Variants in ZBED3 observed in about 807,000 individuals in gnomAD.
ZBED3 encodes zinc finger BED-type containing 3.
For synonymous variants in ZBED3, 175 were observed against 180.0 expected, an observed-to-expected ratio of 0.97 and a Z score of 0.22; for missense variants, 388 against 362.9, an observed-to-expected ratio of 1.07 and a Z score of -0.56.
In ZBED3 at chr5:77,077,395, G is replaced by T. The variant is rs1309218640; in HGVS notation, c.484C>A (p.Arg162Ser). ...RRELAVEQGE[R>S]ALERRRRALQ... ...GCCCTCCGCCTCCGCTCCAGGGCGC[G>T]CTCGCCCTGCTCCACGGCCAGCTCG... Residue 162 changes from arginine to serine, a missense_variant, in exon 3 of 3, where the codon CGC becomes AGC. By Grantham distance (110) the Arg-to-Ser change is moderately radical (BLOSUM62 -1). Coordinates refer to ENST00000255198, the MANE Select transcript of ZBED3 (RefSeq NM_032367.4). 1 of 1,249,006 alleles carries T rather than the reference G, an allele frequency of 8.0e-7. No homozygotes were observed. Among genetic ancestry groups the T allele is most frequent in the Admixed American group, 3.9e-5 (1 of 25,880 alleles). 77.4% of individuals were successfully genotyped at this position (1,249,006 alleles called of 1,614,324 possible).
intron 1 of ZBED3, among the ~76,000 whole-genome samples, chr5:77,084,385 A>G (rs952882725): frequency 2.0e-5 from 3 of 152,134 alleles, no homozygotes; most frequent in Non-Finnish European, 2.9e-5. Context: ...ACGAGATCTG[A>G]TGGTTTTATA....
At chr5:77,079,343 A>G (rs2150741230) in intron 1 of ZBED3, 1 of 152,366 alleles carries the variant, frequency 6.6e-6, no homozygotes, top group Middle Eastern at 3.4e-3. Context: ...GGAGATGACA[A>G]AGTTCCAGAA....
intron 1 of ZBED3, among the ~76,000 whole-genome samples, chr5:77,082,923 G>A (rs1299098629): frequency 6.6e-6 from 1 of 152,158 alleles, no homozygotes; most frequent in Non-Finnish European, 1.5e-5. Flanking sequence ...ATCACCTGAG[G>A]TCAGGAGTTC....
chr5:77,073,035 A>AT lies in ZBED3; in HGVS notation c.*4138dup, dbSNP rs1278406576. The AT allele has an allele frequency of 2.0e-5, 3 of 151,496 alleles. No individual in the cohort carries two copies. Among genetic ancestry groups the AT allele is most frequent in the Non-Finnish European group, 4.4e-5 (3 of 67,982 alleles). The allele number at this position is 151,496 out of a possible 1,614,324, so 9.4% of individuals were successfully genotyped here. ...TATCCATGCTTTCGTTGGAGATTTT[A>AT]TTTTAACTAAGGATGCTGAATGCTG... On this transcript the variant is annotated 3_prime_UTR_variant, in exon 3 of 3. Coordinates refer to ENST00000255198, the MANE Select transcript of ZBED3 (RefSeq NM_032367.4).
At position 77,075,479 on chromosome 5, in the gene ZBED3, C is replaced by G. The variant is rs1742956579; in HGVS notation, c.*1695G>C. 6.6e-6 allele frequency: 1 copy of G among 152,098 alleles called. No individual in the cohort carries two copies. The highest frequency in any genetic ancestry group is 2.1e-4 in the South Asian group (1 of 4,816). 9.4% of individuals were successfully genotyped at this position (152,098 alleles called of 1,614,324 possible). A position where few individuals can be genotyped will look rare whatever the true frequency, so the allele number is the denominator to read the frequency against. On this transcript the variant is annotated 3_prime_UTR_variant, in exon 3 of 3. Coordinates refer to ENST00000255198, the MANE Select transcript of ZBED3 (RefSeq NM_032367.4). ...TGTTTATATTTTTAGGCATGATCAT[C>G]TTAATGTAATCATGTAGAACGGTGT...
In ZBED3 at chr5:77,077,854, T is replaced by C. The variant is rs752492611; in HGVS notation, c.25A>G (p.Thr9Ala). MRSGEPAC[T>A]MDQARGLDDA... ...TCCAGCCCGCGGGCCTGGTCCATGG[T>C]GCAGGCCGGCTCGCCACTCCTCATT... Residue 9 changes from threonine (T) to alanine (A), a missense_variant, in exon 3 of 3, where the codon ACC becomes GCC. Coordinates refer to ENST00000255198, the MANE Select transcript of ZBED3 (RefSeq NM_032367.4). The C allele has an allele frequency of 3.3e-5, 42 of 1,267,504 alleles. No individual in the cohort carries two copies. Among genetic ancestry groups the C allele is most frequent in the Non-Finnish European group, 4.1e-5 (41 of 1,010,110 alleles). The allele number at this position is 1,267,504 out of a possible 1,614,324, so 78.5% of individuals were successfully genotyped here. A position where few individuals can be genotyped will look rare whatever the true frequency, so the allele number is the denominator to read the frequency against.
rs1742973953 is a variant in ZBED3 at position 77,075,957 on chromosome 5, ATATATATATG to A, written c.*1207_*1216del. The A allele has an allele frequency of 3.6e-4, 13 of 36,166 alleles. 3 individuals carry two copies. The highest frequency in any genetic ancestry group is 6.6e-4 in the Non-Finnish European group (11 of 16,694). 2.2% of individuals were successfully genotyped at this position (36,166 alleles called of 1,614,324 possible). On this transcript the variant is annotated 3_prime_UTR_variant, in exon 3 of 3. Transcript: ENST00000255198. ...GTATTATATATACATATATATATAT[ATATATATATG>A]TATATGTATATATGTATATATATAT... is the stretch of plus-strand genomic sequence containing the variant.
chr5:77,086,848 A>G (rs1743252252), intron 1 of ZBED3: 1 of 152,350 alleles, frequency 6.6e-6, no homozygotes, highest in Non-Finnish European at 1.5e-5. Context: ...CACATTCCGA[A>G]CAAGCTTGTC....
At chr5:77,086,459 T>C (rs1743240722) in intron 1 of ZBED3, among the ~76,000 whole-genome samples, 1 of 152,226 alleles carries the variant, frequency 6.6e-6, no homozygotes, top group Non-Finnish European at 1.5e-5. Context: ...CTGTTTCTCT[T>C]AAACACCTTA....
intron 1 of ZBED3, chr5:77,080,528 G>A (rs1365634460): frequency 5.8e-6 from 3 of 519,050 alleles, no homozygotes; most frequent in African/African-American, 1.9e-5. Flanking sequence ...TTAACCGGTG[G>A]AAGGCAGCAC....
rs62362584 is a variant in ZBED3 at position 77,080,074 on chromosome 5, A to G, written c.-152-1346T>C. On this transcript the variant is annotated intron_variant, in intron 1 of 2. Coordinates refer to ENST00000255198, the MANE Select transcript of ZBED3 (RefSeq NM_032367.4). ...ATCTTTACGACTAATTTACTTTATA[A>G]ATTAAAAGGGATGTAAACGTTTCCT... 5.1e-3 allele frequency among the ~76,000 whole-genome samples: 777 copies of G among 152,314 alleles called. 5 individuals carry two copies. Among genetic ancestry groups the G allele is most frequent in the Non-Finnish European group, 8.7e-3 (592 of 68,032 alleles).
At position 77,072,124 on chromosome 5, in the gene ZBED3, G is replaced by T. The variant is rs1177344129; in HGVS notation, c.*5050C>A. 4 of 152,252 alleles carry T rather than the reference G, an allele frequency of 2.6e-5. No homozygotes were observed. The highest frequency in any genetic ancestry group is 4.8e-5 in the African/African-American group (2 of 41,538). 9.4% of individuals were successfully genotyped at this position (152,252 alleles called of 1,614,324 possible). A position where few individuals can be genotyped will look rare whatever the true frequency, so the allele number is the denominator to read the frequency against. On this transcript the variant is annotated 3_prime_UTR_variant, in exon 3 of 3. Transcript: ENST00000255198. Reference sequence around the variant, plus strand: ...ACTGTGAAACCAGATTTCAGAGAATGTCATAATTAAGATTTTTATAAAAAG... The same window carrying T: ...ACTGTGAAACCAGATTTCAGAGAATTTCATAATTAAGATTTTTATAAAAAG...
chr5:77,080,517 C>G (rs921973843), intron 1 of ZBED3: 1 of 518,920 alleles, frequency 1.9e-6, no homozygotes, highest in African/African-American at 1.9e-5. Flanking sequence ...TTTTGGAGGT[C>G]TTAACCGGTG....
chr5:77,076,013 GTATATATGTATA>G lies in ZBED3; in HGVS notation c.*1149_*1160del, dbSNP rs202039914. 1,787 of 51,376 alleles carry G rather than the reference GTATATATGTATA, an allele frequency of 0.035. 328 individuals carry two copies. Among genetic ancestry groups the G allele is most frequent in the African/African-American group, 0.12 (1,551 of 13,034 alleles). The allele number at this position is 51,376 out of a possible 1,614,324, so 3.2% of individuals were successfully genotyped here. A position where few individuals can be genotyped will look rare whatever the true frequency, so the allele number is the denominator to read the frequency against. ...TATATGTATATATGTATATATATAT[GTATATATGTATA>G]TATATATGTATATATGTATATATAT... On this transcript the variant is annotated 3_prime_UTR_variant, in exon 3 of 3. Coordinates refer to ENST00000255198, the MANE Select transcript of ZBED3 (RefSeq NM_032367.4).
Position 77,077,582 on chromosome 5 carries a change from C to T in ZBED3, c.297G>A (p.Arg99=). 2 of 1,332,912 alleles carry T rather than the reference C, an allele frequency of 1.5e-6. No homozygotes were observed. Among genetic ancestry groups the T allele is most frequent in the East Asian group, 3.2e-5 (1 of 31,328 alleles). The allele number at this position is 1,332,912 out of a possible 1,614,324, so 82.6% of individuals were successfully genotyped here. A position where few individuals can be genotyped will look rare whatever the true frequency, so the allele number is the denominator to read the frequency against. Residue 99 remains arginine (R), a synonymous_variant, in exon 3 of 3, where the codon CGG becomes CGA. Coordinates refer to ENST00000255198, the MANE Select transcript of ZBED3 (RefSeq NM_032367.4). The part of the protein sequence containing the change: ...LWRHLRSAHR[R]ELESSGAGSS... ...TCCCGGCGCCGCTGCTCTCCAGCTC[C>T]CGCCGGTGCGCGCTCCTCAGGTGCC...
At position 77,073,103 on chromosome 5, in the gene ZBED3, AAAGT is replaced by A. The variant is rs1483242960; in HGVS notation, c.*4067_*4070del. The A allele has an allele frequency of 6.6e-6, 1 of 152,118 alleles. No homozygotes were observed. The highest frequency in any genetic ancestry group is 1.5e-5 in the Non-Finnish European group (1 of 68,044). 9.4% of individuals were successfully genotyped at this position (152,118 alleles called of 1,614,324 possible). The stretch of plus-strand genomic sequence containing the variant: ...CTACAAACAAAATTTTTTTATCATA[AAAGT>A]AATTCATACTTTGTGTAAAAAATTA... On this transcript the variant is annotated 3_prime_UTR_variant, in exon 3 of 3. Coordinates refer to ENST00000255198, the MANE Select transcript of ZBED3 (RefSeq NM_032367.4).
At position 77,087,253 on chromosome 5, in the gene ZBED3, C is replaced by T. The variant is rs556252702; in HGVS notation, c.-295G>A. 6.6e-6 allele frequency: 1 copy of T among 152,486 alleles called. No individual in the cohort carries two copies. The highest frequency in any genetic ancestry group is 2.4e-5 in the African/African-American group (1 of 41,606). The allele number at this position is 152,486 out of a possible 1,614,324, so 9.4% of individuals were successfully genotyped here. On this transcript the variant is annotated 5_prime_UTR_variant, in exon 1 of 3. It adds an upstream start codon to the 5' untranslated region. Transcript: ENST00000255198. ...CCTTAAAGACACAGCGCTGCATTCA[C>T]ACGTCTGCGGGGAAAGGGGGGCCGT...
chr5:77,083,860 A>C (rs1209790597), intron 1 of ZBED3, among the ~76,000 whole-genome samples: 1 of 152,238 alleles, frequency 6.6e-6, no homozygotes, highest in Non-Finnish European at 1.5e-5. Flanking sequence ...TCACTAGGGT[A>C]AAATAAGATA....
chr5:77,082,865 G>A (rs1743156111), intron 1 of ZBED3, among the ~76,000 whole-genome samples: 1 of 152,134 alleles, frequency 6.6e-6, no homozygotes, highest in Non-Finnish European at 1.5e-5. Flanking sequence ...CCTGGGTGTG[G>A]TGGCTCACAC....
Sources: allele counts gnomAD v4.1 joint callset (sites outside exome capture counted in the v4.1 genomes callset), GRCh38; gene constraint gnomAD v4.1.1; transcripts MANE v1.5; gene names NCBI Gene and HGNC (gene_info 2026-07-23, HGNC 2026-07-21).